The following C1orf226 variants were observed in gnomAD, a reference collection of about 807,000 sequenced individuals.
The protein encoded by C1orf226 is chromosome 1 open reading frame 226.
Under a neutral mutation model 10.5 loss-of-function variants are expected in C1orf226, and 4 were observed. The observed-to-expected ratio is 0.38, with a 90% CI of 0.19 to 0.87. The LOEUF (loss-of-function observed/expected upper bound fraction) is 0.87, where lower values mean the gene tolerates loss of function less well. Ranked by LOEUF, C1orf226 falls within the 40% of genes least tolerant of loss-of-function variation. The pLI is 0.41. For missense variants in C1orf226, 313 were observed against 336.2 expected, an observed-to-expected ratio of 0.93 and a Z score of 0.54; for synonymous variants, 125 against 139.3, an observed-to-expected ratio of 0.90 and a Z score of 0.72.
chr1:162,379,000 C>A (rs1394097654), upstream of C1orf226: 6 of 1,550,784 alleles, frequency 3.9e-6, no homozygotes, highest in Non-Finnish European at 5.2e-6. Context: ...TGTTTGTTTC[C>A]CACCTGCTTT....
At chr1:162,380,781 A>G (rs565559873), upstream of C1orf226, among the ~76,000 whole-genome samples, 3 of 152,326 alleles carry the variant, frequency 2.0e-5, no homozygotes, top group Admixed American at 6.5e-5. Context: ...AGTCATTTCA[A>G]TAACAAACCT....
chr1:162,382,089 A>G lies in C1orf226; in HGVS notation c.188A>G (p.Asn63Ser), dbSNP rs1647935863. 6.3e-7 allele frequency: 1 copy of G among 1,597,842 alleles called. No homozygotes were observed. Among genetic ancestry groups the G allele is most frequent in the Non-Finnish European group, 8.5e-7 (1 of 1,172,232 alleles). ...GGCAAAGCCATGGGGGCCAAAGTGA[A>G]TGACTTCCTGAGGAGAAAGGAGCCC... ...NLGKAMGAKV[N>S]DFLRRKEPSS... is the part of the protein sequence containing the mutation. The change falls in exon 1 of 2, where the codon AAT (asparagine) becomes AGT (serine). Residue 63 changes from asparagine (N) to serine (S), a missense_variant. By Grantham distance (46) the Asn-to-Ser change is conservative. Transcript: ENST00000458626.
chr1:162,383,253 C>T lies in C1orf226; in HGVS notation c.389C>T (p.Ala130Val), dbSNP rs979041357. 1.9e-6 allele frequency: 3 copies of T among 1,613,582 alleles called. No individual in the cohort carries two copies. The Admixed American group carries it at 5.0e-5, about 27-fold the overall frequency. ...PPITRKRTPR[A>V]LKTTQDMLIS... ...ATAACCAGAAAGCGAACCCCTCGGG[C>T]CCTGAAGACCACCCAGGACATGCTG... Residue 130 changes from alanine (A) to valine (V), a missense_variant, in exon 2 of 2, where the codon GCC becomes GTC. Ala to Val is a moderately conservative substitution (Grantham distance 64). Coordinates refer to ENST00000458626, the MANE Select transcript of C1orf226 (RefSeq NM_001085375.2).
At chr1:162,379,151 C>T, upstream of C1orf226, 2 of 633,526 alleles carry the variant, frequency 3.2e-6, no homozygotes, top group Admixed American at 4.6e-5. Flanking sequence ...AGTCATCTCT[C>T]TGTCCTCCAT....
Position 162,381,976 on chromosome 1 carries a change from C to T in C1orf226, c.75C>T (p.Pro25=), listed in dbSNP as rs560108919. 30 of 1,612,904 alleles carry T rather than the reference C, an allele frequency of 1.9e-5. No individual in the cohort carries two copies. The highest frequency in any genetic ancestry group is 5.5e-5 in the South Asian group (5 of 91,068). The change falls in exon 1 of 2, where the codon CCC becomes CCT. Residue 25 remains proline, a synonymous_variant. Transcript: ENST00000458626. ...ASRSFPHLSK[P]VAPGSAPLGS... The stretch of plus-strand genomic sequence containing the variant: ...GCTCCTTCCCCCACTTGTCCAAGCC[C>T]GTGGCCCCCGGCTCTGCCCCTCTGG...
chr1:162,381,707 T>C, upstream of C1orf226: 1 of 1,421,882 alleles, frequency 7.0e-7, no homozygotes. Context: ...AATTTCTAGT[T>C]CCTGTCCCAT....
Position 162,385,483 on chromosome 1 carries a change from C to T in C1orf226, c.*1800C>T, listed in dbSNP as rs967039787. On this transcript the variant is annotated 3_prime_UTR_variant, in exon 2 of 2. Transcript: ENST00000458626. ...AGAAAGCCAGGTTTCACCACGTGCT[C>T]ACCACAAACTGTCTCCCCTCCCTCG... 1 of 152,406 alleles carries T rather than the reference C, an allele frequency of 6.6e-6. No homozygotes were observed. The highest frequency in any genetic ancestry group is 1.5e-5 in the Non-Finnish European group (1 of 68,182). 9.4% of individuals were successfully genotyped at this position (152,406 alleles called of 1,614,324 possible).
chr1:162,385,718 A>T lies in C1orf226; in HGVS notation c.*2035A>T, dbSNP rs1438449712. ...CTGAGGATAGGGATAGAGTCCCCAA[A>T]CACACATCCTGGGAGCAAGCCACTT... On this transcript the variant is annotated 3_prime_UTR_variant, in exon 2 of 2. Transcript: ENST00000458626. The T allele has an allele frequency of 6.6e-6, 1 of 152,098 alleles. No homozygotes were observed. Among genetic ancestry groups the T allele is most frequent in the African/African-American group, 2.4e-5 (1 of 41,414 alleles). The allele number at this position is 152,098 out of a possible 1,614,324, so 9.4% of individuals were successfully genotyped here. A position where few individuals can be genotyped will look rare whatever the true frequency, so the allele number is the denominator to read the frequency against.
chr1:162,383,760 C>G lies in C1orf226; in HGVS notation c.*77C>G. On this transcript the variant is annotated 3_prime_UTR_variant, in exon 2 of 2. Coordinates refer to ENST00000458626, the MANE Select transcript of C1orf226 (RefSeq NM_001085375.2). ...CCTCCACTGCGCACACTGGCCCTGG[C>G]CTCAACTCCGCTGTGCCCTTTGTCT... is the stretch of plus-strand genomic sequence containing the variant. The G allele has an allele frequency of 2.1e-6, 3 of 1,406,278 alleles. No homozygotes were observed. The highest frequency in any genetic ancestry group is 2.8e-6 in the Non-Finnish European group (3 of 1,056,636). The allele number at this position is 1,406,278 out of a possible 1,614,324, so 87.1% of individuals were successfully genotyped here.
chr1:162,379,617 T>C (rs1448917669), upstream of C1orf226, among the ~76,000 whole-genome samples: 1 of 152,174 alleles, frequency 6.6e-6, no homozygotes, highest in African/African-American at 2.4e-5. Flanking sequence ...CTGGAAAGAC[T>C]TAGACAAGGG....
upstream of C1orf226, among the ~76,000 whole-genome samples, chr1:162,380,997 G>C (rs1477317115): frequency 6.6e-6 from 1 of 152,214 alleles, no homozygotes; most frequent in Non-Finnish European, 1.5e-5. Context: ...AAGCCAAAGA[G>C]GATCCCTACA....
At chr1:162,380,493 A>G (rs1160118661), upstream of C1orf226, among the ~76,000 whole-genome samples, 1 of 152,238 alleles carries the variant, frequency 6.6e-6, no homozygotes, top group East Asian at 1.9e-4. Flanking sequence ...AAGAAAAAGT[A>G]CACCCTAACC....
At chr1:162,382,275 A>G (rs1476035600) in intron 1 of C1orf226, 57 bp downstream of exon 1, 2 of 1,522,396 alleles carry the variant, frequency 1.3e-6, no homozygotes, top group Non-Finnish European at 1.8e-6. Flanking sequence ...TTGAAAAGGT[A>G]CAGGGACAAA....
In C1orf226 at chr1:162,381,882, T is replaced by C; in HGVS notation, c.-20T>C. The C allele has an allele frequency of 6.2e-7, 1 of 1,610,672 alleles. No homozygotes were observed. The highest frequency in any genetic ancestry group is 8.5e-7 in the Non-Finnish European group (1 of 1,179,386). On this transcript the variant is annotated 5_prime_UTR_variant, in exon 1 of 2. Coordinates refer to ENST00000458626, the MANE Select transcript of C1orf226 (RefSeq NM_001085375.2). ...TCATCATGCCTCTCTGTCGCCTCTTTGTTCATAGTTGACCACGGCATGTTT... is the reference window on the plus strand; with the variant it reads ...TCATCATGCCTCTCTGTCGCCTCTTCGTTCATAGTTGACCACGGCATGTTT...
In C1orf226 at chr1:162,383,531, T is replaced by C; in HGVS notation, c.667T>C (p.Ser223Pro). 1 of 1,605,604 alleles carries C rather than the reference T, an allele frequency of 6.2e-7. No homozygotes were observed. The highest frequency in any genetic ancestry group is 8.5e-7 in the Non-Finnish European group (1 of 1,175,644). The part of the protein sequence containing the change: ...LKMTECRRAS[S>P]PSLIERNGFK... ...GATGACTGAGTGCAGAAGGGCCTCC[T>C]CCCCCAGCCTTATCGAGAGGAATGG... The change falls in exon 2 of 2, where the codon TCC becomes CCC. Residue 223 changes from serine (S) to proline (P), a missense_variant. By Grantham distance (74) the Ser-to-Pro change is moderately conservative. Transcript: ENST00000458626.
Position 162,383,607 on chromosome 1 carries a change from G to A in C1orf226, c.743G>A (p.Gly248Asp). ...PISLAESWEDGSPPPQARTSS... is the reference protein window; with the variant it reads ...PISLAESWEDDSPPPQARTSS... ...AGCCTGGCTGAGTCCTGGGAGGATG[G>A]CAGCCCCCCTCCTCAGGCACGGACC... The change falls in exon 2 of 2, where the codon GGC becomes GAC. Residue 248 changes from glycine (G) to aspartate (D), a missense_variant. Transcript: ENST00000458626. 1 of 1,607,418 alleles carries A rather than the reference G, an allele frequency of 6.2e-7. No individual in the cohort carries two copies. The highest frequency in any genetic ancestry group is 2.2e-5 in the East Asian group (1 of 44,656).
upstream of C1orf226, among the ~76,000 whole-genome samples, chr1:162,381,268 G>C (rs747477658): frequency 2.6e-5 from 4 of 152,158 alleles, no homozygotes; most frequent in Non-Finnish European, 1.5e-5. Context: ...TGGGATCCTC[G>C]TGCTTCACTG....
rs1648074613 is a variant in C1orf226, at chr1:162,385,292, C to A, written c.*1609C>A. 1 of 152,294 alleles carries A rather than the reference C, an allele frequency of 6.6e-6. No individual in the cohort carries two copies. The highest frequency in any genetic ancestry group is 2.4e-5 in the African/African-American group (1 of 41,436). The allele number at this position is 152,294 out of a possible 1,614,324, so 9.4% of individuals were successfully genotyped here. A position where few individuals can be genotyped will look rare whatever the true frequency, so the allele number is the denominator to read the frequency against. ...GCCTCTGCTCCCCTTCCCACCACCACTGCCATATAAAATGGCCATGCTAAC... is the reference window on the plus strand; with the variant it reads ...GCCTCTGCTCCCCTTCCCACCACCAATGCCATATAAAATGGCCATGCTAAC... On this transcript the variant is annotated 3_prime_UTR_variant, in exon 2 of 2. Coordinates refer to ENST00000458626, the MANE Select transcript of C1orf226 (RefSeq NM_001085375.2).
Position 162,386,067 on chromosome 1 carries a change from C to G in C1orf226, c.*2384C>G, listed in dbSNP as rs1319499323. 3 of 152,538 alleles carry G rather than the reference C, an allele frequency of 2.0e-5. No individual in the cohort carries two copies. The highest frequency in any genetic ancestry group is 1.3e-4 in the Admixed American group (2 of 15,294). The allele number at this position is 152,538 out of a possible 1,614,324, so 9.4% of individuals were successfully genotyped here. ...GAATACAGTGCCATGGGACCCTGCT[C>G]CAATCTAACTGCCTACAACCTGCCC... is the stretch of plus-strand genomic sequence containing the variant. On this transcript the variant is annotated 3_prime_UTR_variant, in exon 2 of 2. Transcript: ENST00000458626.
Sources: gnomAD v4.1 joint callset for allele counts (sites outside exome capture counted in the v4.1 genomes callset) on GRCh38, gnomAD v4.1.1 for gene constraint, MANE v1.5 for transcripts, NCBI Gene and HGNC (gene_info 2026-07-23, HGNC 2026-07-21) for gene names.